Variants in NDST4 observed in about 807,000 individuals in gnomAD.
The protein encoded by NDST4 is N-heparan sulfate sulfotransferase 4.
A neutral mutation model predicts 100.8 loss-of-function variants in NDST4; 63 were observed. The observed-to-expected ratio is 0.62, with a 90% CI of 0.51 to 0.77. NDST4 has a LOEUF of 0.77. NDST4 is among the 30% of genes least tolerant of loss of function. The probability of loss-of-function intolerance (pLI) is 0.00; values close to 1 mark genes in which losing one functional copy is unlikely to be tolerated. For synonymous variants in NDST4, 377 were observed against 361.8 expected, an observed-to-expected ratio of 1.04 and a Z score of -0.48; for missense variants, 943 against 1,018.4, an observed-to-expected ratio of 0.93 and a Z score of 1.01.
At chr4:114,898,534 T>G (rs574605071) in intron 6 of NDST4, among the ~76,000 whole-genome samples, 1 of 152,292 alleles carries the variant, frequency 6.6e-6, no homozygotes, top group African/African-American at 2.4e-5. Flanking sequence ...TGGGTCTTTT[T>G]GCCTCCTCGT....
chr4:114,995,524 C>T (rs1281144207), intron 2 of NDST4, among the ~76,000 whole-genome samples: 1 of 152,056 alleles, frequency 6.6e-6, no homozygotes, highest in Non-Finnish European at 1.5e-5. Context: ...CTGACTTAGA[C>T]ATACATGTAC....
chr4:114,989,645 G>T (rs1726992796), intron 2 of NDST4, among the ~76,000 whole-genome samples: 1 of 152,072 alleles, frequency 6.6e-6, no homozygotes, highest in Admixed American at 6.6e-5. Context: ...GAATTGCCTG[G>T]GTCAGAGCTG....
At chr4:114,863,295 G>A (rs946494052) in intron 7 of NDST4, among the ~76,000 whole-genome samples, 3 of 152,212 alleles carry the variant, frequency 2.0e-5, no homozygotes, top group African/African-American at 4.8e-5. Flanking sequence ...GAGATGCAAG[G>A]TGTTTTATTT....
intron 13 of NDST4, among the ~76,000 whole-genome samples, chr4:114,828,788 A>T (rs1214332247): frequency 6.6e-6 from 1 of 152,126 alleles, no homozygotes; most frequent in Non-Finnish European, 1.5e-5. Context: ...TCCAAGATCC[A>T]CCATCTCTCT....
chr4:114,831,646 AG>A (rs1419488670), intron 12 of NDST4, among the ~76,000 whole-genome samples: 2 of 152,322 alleles, frequency 1.3e-5, no homozygotes, highest in Admixed American at 6.5e-5. Context: ...TGTTATCCAC[AG>A]CAGCTGTTGT....
intron 8 of NDST4, among the ~76,000 whole-genome samples, chr4:114,851,281 A>G (rs1723670453): frequency 1.3e-5 from 2 of 152,198 alleles, no homozygotes; most frequent in South Asian, 2.1e-4. Flanking sequence ...TCAGACTTCT[A>G]CAATTGGATT....
At position 114,953,475 on chromosome 4, in the gene NDST4, C is replaced by T. The variant is rs992226630; in HGVS notation, c.1222-15972G>A. On this transcript the variant is annotated intron_variant, in intron 4 of 13. Coordinates refer to ENST00000264363, the MANE Select transcript of NDST4 (RefSeq NM_022569.3). ...AACAGTAGACACAAGAGCTCAAAAA[C>T]TCTAGGAACATAGTTTAGGAGCAAA... Among the ~76,000 whole-genome samples the T allele has an allele frequency of 2.4e-4, 37 of 152,168 alleles. 1 individual carries two copies. Among genetic ancestry groups the T allele is most frequent in the African/African-American group, 8.7e-4 (36 of 41,528 alleles).
chr4:114,845,415 T>C (rs1723523584), intron 10 of NDST4, among the ~76,000 whole-genome samples: 1 of 152,198 alleles, frequency 6.6e-6, no homozygotes, highest in African/African-American at 2.4e-5. Flanking sequence ...TTCTTCACTT[T>C]GCTCATTTTT....
chr4:114,920,935 T>C (rs1033962901), intron 6 of NDST4, among the ~76,000 whole-genome samples: 1 of 152,186 alleles, frequency 6.6e-6, no homozygotes, highest in Non-Finnish European at 1.5e-5. Context: ...CCCTCTAAAT[T>C]ATCTGTAAAA....
intron 10 of NDST4, among the ~76,000 whole-genome samples, chr4:114,843,034 A>G (rs1723466281): frequency 6.6e-6 from 1 of 152,196 alleles, no homozygotes; most frequent in Non-Finnish European, 1.5e-5. Context: ...ATGATGTAGT[A>G]CTAGACTCAT....
intron 2 of NDST4, among the ~76,000 whole-genome samples, chr4:115,043,964 T>A (rs975834812): frequency 5.3e-5 from 8 of 152,088 alleles, no homozygotes; most frequent in Admixed American, 4.6e-4. Context: ...CATGACCAAA[T>A]AAACATGCGT....
At chr4:114,999,879 G>C (rs749986937) in intron 2 of NDST4, among the ~76,000 whole-genome samples, 23 of 151,926 alleles carry the variant, frequency 1.5e-4, no homozygotes, top group Non-Finnish European at 3.1e-4. Flanking sequence ...ATGTCTGGAA[G>C]GCCCTTGGGG....
intron 2 of NDST4, among the ~76,000 whole-genome samples, chr4:115,034,565 A>T (rs897195351): frequency 6.6e-6 from 1 of 152,150 alleles, no homozygotes; most frequent in East Asian, 1.9e-4. Context: ...ATATGTAGGA[A>T]TCAAAATTCT....
chr4:114,846,138 T>C (rs1723546042), intron 9 of NDST4, 141 bp from the exon 10 acceptor site: 1 of 744,818 alleles, frequency 1.3e-6, no homozygotes, highest in Non-Finnish European at 2.1e-6. Context: ...TAATAGATAT[T>C]CTATACACAT....
intron 6 of NDST4, among the ~76,000 whole-genome samples, chr4:114,882,977 C>G (rs1349575780): frequency 6.6e-6 from 1 of 151,896 alleles, no homozygotes; most frequent in Non-Finnish European, 1.5e-5. Flanking sequence ...AACTACCAAT[C>G]TGGGATTCTA....
chr4:114,872,657 A>G (rs151096444), intron 6 of NDST4, among the ~76,000 whole-genome samples: 2 of 152,150 alleles, frequency 1.3e-5, no homozygotes, highest in South Asian at 2.1e-4. Context: ...CTATGTACTA[A>G]GCAGGATTCT....
At chr4:115,051,572 T>C (rs765063919) in intron 2 of NDST4, among the ~76,000 whole-genome samples, 3 of 152,142 alleles carry the variant, frequency 2.0e-5, no homozygotes, top group Non-Finnish European at 4.4e-5. Context: ...GTTCCATCCA[T>C]GTGGCTGCAA....
intron 6 of NDST4, among the ~76,000 whole-genome samples, chr4:114,918,645 A>G (rs1158092815): frequency 6.6e-6 from 1 of 152,162 alleles, no homozygotes; most frequent in Non-Finnish European, 1.5e-5. Flanking sequence ...GCAGCTGGAA[A>G]CCTGTCCCAC....
At chr4:114,920,166 G>A (rs1250232178) in intron 6 of NDST4, among the ~76,000 whole-genome samples, 2 of 152,226 alleles carry the variant, frequency 1.3e-5, no homozygotes, top group Non-Finnish European at 2.9e-5. Flanking sequence ...TTTTTAAGAT[G>A]CATTCAGCAG....
Sources: gnomAD v4.1 joint callset for allele counts (sites outside exome capture counted in the v4.1 genomes callset) on GRCh38, gnomAD v4.1.1 for gene constraint, MANE v1.5 for transcripts, NCBI Gene and HGNC (gene_info 2026-07-23, HGNC 2026-07-21) for gene names.